DPP10: variants seen among roughly 807,000 people sequenced by gnomAD.
DPP10 encodes the protein inactive dipeptidyl peptidase 10.
Under a neutral mutation model 120.9 loss-of-function variants are expected in DPP10, and 33 were observed. That is an observed-to-expected ratio of 0.27 (90% confidence interval 0.21 to 0.37). DPP10 has a LOEUF of 0.37. Among genes scored for constraint, DPP10 ranks in the 10% least tolerant of loss-of-function variants. The probability of loss-of-function intolerance (pLI) is 1.00; values close to 1 mark genes in which losing one functional copy is unlikely to be tolerated. For synonymous variants in DPP10, 337 were observed against 326.1 expected (o/e 1.03, Z -0.36); for missense variants, 816 against 942.8 (o/e 0.87, Z 1.76).
chr2:115,261,939 C>T (rs1362489892), intron 1 of DPP10, among the ~76,000 whole-genome samples: 1 of 152,146 alleles, frequency 6.6e-6, no homozygotes, highest in African/African-American at 2.4e-5. Flanking sequence ...TTTGGGTTTT[C>T]AGCTGCAGAC....
chr2:115,435,467 A>G (rs2071411047), intron 3 of DPP10, among the ~76,000 whole-genome samples: 1 of 151,772 alleles, frequency 6.6e-6, no homozygotes, highest in East Asian at 1.9e-4. Context: ...ACATTTTTTC[A>G]TATGCCTGTT....
At chr2:114,475,337 G>T (rs1443397475) in intron 1 of DPP10, among the ~76,000 whole-genome samples, 1 of 152,116 alleles carries the variant, frequency 6.6e-6, no homozygotes, top group Admixed American at 6.5e-5. Context: ...TATATATCAG[G>T]CCTCATATTA....
intron 1 of DPP10, among the ~76,000 whole-genome samples, chr2:115,285,449 A>G (rs1485882758): frequency 6.6e-6 from 1 of 152,042 alleles, no homozygotes; most frequent in Non-Finnish European, 1.5e-5. Context: ...ATTTATTTTA[A>G]AAGTTCCTTT....
intron 1 of DPP10, among the ~76,000 whole-genome samples, chr2:114,518,915 G>A (rs1345155888): frequency 6.6e-6 from 1 of 152,144 alleles, no homozygotes; most frequent in Non-Finnish European, 1.5e-5. Flanking sequence ...TCAGAGGCTG[G>A]GTAGTAAGGT....
chr2:115,110,952 G>T (rs2049185094), intron 1 of DPP10, among the ~76,000 whole-genome samples: 1 of 152,018 alleles, frequency 6.6e-6, no homozygotes, highest in African/African-American at 2.4e-5. Context: ...CTAAAATTGT[G>T]CTCTAGCTTT....
At chr2:115,305,162 TATC>T in intron 1 of DPP10, among the ~76,000 whole-genome samples, 1 of 152,178 alleles carries the variant, frequency 6.6e-6, no homozygotes, top group Non-Finnish European at 1.5e-5. Context: ...CTCCTTGTGA[TATC>T]ATAATCTAAC....
rs527400796 is a variant in DPP10 at position 114,550,770 on chromosome 2, C to T, written c.60+107932C>T. On this transcript the variant is annotated intron_variant, in intron 1 of 25. Coordinates refer to ENST00000410059, the MANE Select transcript of DPP10 (RefSeq NM_020868.6). ...ATTACTGATTAATTTGTCTGTGTTT[C>T]CCCAGACAACCTGTGTGTCTCTCAA... Among the ~76,000 whole-genome samples, 19 of 152,278 alleles carry T rather than the reference C, an allele frequency of 1.2e-4. No homozygotes were observed. The South Asian group carries it at 3.7e-3, about 30-fold the overall frequency.
At chr2:114,559,612 G>A (rs1397922631) in intron 1 of DPP10, among the ~76,000 whole-genome samples, 5 of 152,104 alleles carry the variant, frequency 3.3e-5, no homozygotes, top group African/African-American at 7.2e-5. Flanking sequence ...TAGCTCTCTC[G>A]CCATCCCTGT....
intron 5 of DPP10, among the ~76,000 whole-genome samples, chr2:115,586,361 A>T (rs575788586): frequency 6.6e-6 from 1 of 152,282 alleles, no homozygotes; most frequent in South Asian, 2.1e-4. Context: ...AAACTGAGAA[A>T]ATATGACAGC....
At chr2:114,595,634 G>A (rs540217174) in intron 1 of DPP10, among the ~76,000 whole-genome samples, 1 of 152,216 alleles carries the variant, frequency 6.6e-6, no homozygotes, top group Non-Finnish European at 1.5e-5. Flanking sequence ...ATAGTCTGAG[G>A]TGGAGGATGG....
At chr2:115,319,726 C>G (rs908389082) in intron 2 of DPP10, among the ~76,000 whole-genome samples, 1 of 152,122 alleles carries the variant, frequency 6.6e-6, no homozygotes, top group African/African-American at 2.4e-5. Flanking sequence ...TTATTTCTCA[C>G]AGTTCTGCAA....
chr2:114,594,561 G>C (rs1314586689), intron 1 of DPP10, among the ~76,000 whole-genome samples: 1 of 130,862 alleles, frequency 7.6e-6, no homozygotes, highest in Non-Finnish European at 1.7e-5. Flanking sequence ...CATATATTAT[G>C]TATACATATA....
chr2:114,761,304 G>A (rs1680262012), intron 1 of DPP10, among the ~76,000 whole-genome samples: 2 of 152,086 alleles, frequency 1.3e-5, no homozygotes, highest in South Asian at 4.1e-4. Flanking sequence ...TATCCCTGTT[G>A]GGAGATAATT....
intron 21 of DPP10, among the ~76,000 whole-genome samples, chr2:115,817,280 G>A (rs181167758): frequency 1.3e-5 from 2 of 152,092 alleles, no homozygotes; most frequent in Admixed American, 1.3e-4. Flanking sequence ...GAAAGGAAAA[G>A]GGGGACCTTG....
At chr2:114,774,363 G>A (rs550132360) in intron 1 of DPP10, among the ~76,000 whole-genome samples, 2 of 151,388 alleles carry the variant, frequency 1.3e-5, no homozygotes, top group African/African-American at 4.8e-5. Flanking sequence ...TTGTTACCAC[G>A]TTTGTTACAG....
intron 1 of DPP10, among the ~76,000 whole-genome samples, chr2:114,955,656 A>C (rs1216228606): frequency 6.6e-6 from 1 of 152,252 alleles, no homozygotes; most frequent in Admixed American, 6.5e-5. Flanking sequence ...ATAATATTTC[A>C]GGCCAATAAC....
At chr2:115,123,666 G>A (rs2049933536) in intron 1 of DPP10, among the ~76,000 whole-genome samples, 1 of 152,048 alleles carries the variant, frequency 6.6e-6, no homozygotes, top group African/African-American at 2.4e-5. Flanking sequence ...TGTCAGCTGA[G>A]ACCAATTATT....
chr2:114,639,636 C>G (rs1366187809), intron 1 of DPP10, among the ~76,000 whole-genome samples: 1 of 151,762 alleles, frequency 6.6e-6, no homozygotes, highest in Non-Finnish European at 1.5e-5. Context: ...ACATGTACCC[C>G]TTTATCTAAA....
chr2:114,732,568 G>A (rs1574064188), intron 1 of DPP10, among the ~76,000 whole-genome samples: 2 of 152,166 alleles, frequency 1.3e-5, no homozygotes, highest in South Asian at 2.1e-4. Flanking sequence ...AGTATTTTAT[G>A]TTGGTGGTAA....
Sources: allele counts gnomAD v4.1 joint callset (sites outside exome capture counted in the v4.1 genomes callset), GRCh38; gene constraint gnomAD v4.1.1; transcripts MANE v1.5; gene names NCBI Gene and HGNC (gene_info 2026-07-23, HGNC 2026-07-21).